The following METTL22 variants were observed in gnomAD, a reference collection of about 807,000 sequenced individuals.
METTL22 encodes the protein methyltransferase-like protein 22.
In METTL22, 51 loss-of-function variants were observed where a neutral mutation model predicts 48.4. The observed-to-expected ratio is 1.05, with a 90% CI of 0.84 to 1.33. METTL22 has a LOEUF of 1.33. Ranked by LOEUF, METTL22 falls within the 40% of genes most tolerant of loss-of-function variation. METTL22 has a pLI of 0.00. For synonymous variants in METTL22, 255 were observed against 214.1 expected (o/e 1.19, Z -1.67); for missense variants, 678 against 526.9 (o/e 1.29, Z -2.81).
chr16:8,632,561 G>T (rs1763132407), intron 3 of METTL22, among the ~76,000 whole-genome samples: 1 of 152,050 alleles, frequency 6.6e-6, no homozygotes, highest in African/African-American at 2.4e-5. Flanking sequence ...ACCCTGGGCT[G>T]GTCATGTCCC....
At chr16:8,664,352 G>C in the METTL22 span, among the ~76,000 whole-genome samples, 3 of 152,022 alleles carry the variant, frequency 2.0e-5, no homozygotes, top group Non-Finnish European at 4.4e-5. Flanking sequence ...CACCATGTTG[G>C]CCAGGCTGGT....
chr16:8,638,376 G>A (rs565656409), intron 5 of METTL22, among the ~76,000 whole-genome samples: 114 of 152,184 alleles, frequency 7.5e-4, no homozygotes, highest in African/African-American at 1.6e-3. Context: ...CTTTCTACAT[G>A]CACATTCTTC....
At chr16:8,638,078 T>C (rs1260713767) in intron 5 of METTL22, among the ~76,000 whole-genome samples, 2 of 151,538 alleles carry the variant, frequency 1.3e-5, no homozygotes, top group African/African-American at 2.4e-5. Context: ...ACCTGGGAAG[T>C]GGAGGTTGCA....
intron 9 of METTL22, 46 bp downstream of exon 9, chr16:8,642,611 C>A: frequency 1.3e-6 from 2 of 1,549,366 alleles, no homozygotes; most frequent in Non-Finnish European, 1.8e-6. Flanking sequence ...CGAGTGTCAG[C>A]GGAACTCTCA....
intron 9 of METTL22, among the ~76,000 whole-genome samples, chr16:8,644,224 C>G (rs890451074): frequency 6.6e-6 from 1 of 152,324 alleles, no homozygotes; most frequent in East Asian, 1.9e-4. Context: ...GCACCAGATT[C>G]TGTGCTGGGT....
chr16:8,630,533 T>C (rs891542981), intron 3 of METTL22, among the ~76,000 whole-genome samples: 1 of 152,078 alleles, frequency 6.6e-6, no homozygotes, highest in African/African-American at 2.4e-5. Context: ...GTCCTGCTTC[T>C]CAGGGGGGCC....
intron 10 of METTL22, chr16:8,645,904 C>G (rs72766497): frequency 0.038 from 36,586 of 967,684 alleles, 577 homozygotes; most frequent in Admixed American, 0.059. Context: ...CTTCATCCAT[C>G]CAGCCTCTCT....
the METTL22 span, among the ~76,000 whole-genome samples, chr16:8,656,945 G>A: frequency 3.9e-5 from 6 of 152,298 alleles, no homozygotes; most frequent in East Asian, 5.8e-4. Flanking sequence ...GGTCAAACTC[G>A]TCCTTTTATA....
chr16:8,647,008 C>T lies in METTL22; in HGVS notation c.*865C>T. The T allele has an allele frequency of 3.1e-6, 1 of 319,094 alleles. No individual in the cohort carries two copies. Among genetic ancestry groups the T allele is most frequent in the Non-Finnish European group, 6.2e-6 (1 of 161,914 alleles). 19.8% of individuals were successfully genotyped at this position (319,094 alleles called of 1,614,324 possible). A position where few individuals can be genotyped will look rare whatever the true frequency, so the allele number is the denominator to read the frequency against. Reference sequence around the variant, plus strand: ...TCCCATCTTCCTGCTACCCTTGGCCCTCCCTGCAGCCCCTTTCCCCTGCCT... The same window carrying T: ...TCCCATCTTCCTGCTACCCTTGGCCTTCCCTGCAGCCCCTTTCCCCTGCCT... On this transcript the variant is annotated 3_prime_UTR_variant, in exon 11 of 11. Transcript: ENST00000381920.
chr16:8,642,203 C>T lies in METTL22; in HGVS notation c.903C>T (p.Ala301=), dbSNP rs780587567. The change falls in exon 8 of 11, where the codon GCC becomes GCT. Residue 301 remains alanine, a synonymous_variant. Coordinates refer to ENST00000381920, the MANE Select transcript of METTL22 (RefSeq NM_024109.4). ...LYDHTTILFA[A]EVFYDDDLTD... is the part of the protein sequence containing the mutation. ...ATCACACCACCATCCTGTTTGCAGC[C>T]GAAGGTAAGAAAATTTCTCCTTCGC... The T allele has an allele frequency of 9.3e-6, 15 of 1,612,498 alleles. No homozygotes were observed. The highest frequency in any genetic ancestry group is 4.5e-5 in the East Asian group (2 of 44,882).
the METTL22 span, among the ~76,000 whole-genome samples, chr16:8,656,297 A>G: frequency 3.9e-5 from 6 of 152,178 alleles, no homozygotes; most frequent in African/African-American, 1.4e-4. Flanking sequence ...ATTGACATGT[A>G]TGTAGCAGGA....
chr16:8,665,000 G>C, the METTL22 span, among the ~76,000 whole-genome samples: 2 of 152,108 alleles, frequency 1.3e-5, no homozygotes, highest in East Asian at 3.9e-4. Flanking sequence ...GACTCACTAG[G>C]GATCCCACAG....
At chr16:8,623,748 T>A (rs1038238112) in intron 1 of METTL22, 4 of 152,228 alleles carry the variant, frequency 2.6e-5, no homozygotes, top group African/African-American at 4.8e-5. Context: ...AATTTTTTTG[T>A]TGGGACAGCT....
rs1384872821 is a variant in METTL22 at position 8,648,589 on chromosome 16, T to C, written c.*2446T>C. The C allele has an allele frequency of 6.6e-6, 1 of 151,784 alleles. No homozygotes were observed. The highest frequency in any genetic ancestry group is 1.5e-5 in the Non-Finnish European group (1 of 68,350). The allele number at this position is 151,784 out of a possible 1,614,324, so 9.4% of individuals were successfully genotyped here. On this transcript the variant is annotated 3_prime_UTR_variant, in exon 11 of 11. Coordinates refer to ENST00000381920, the MANE Select transcript of METTL22 (RefSeq NM_024109.4). ...TTGCAGTGAGCCAAGACCATGCCAT[T>C]GCACTCTAGCCTGGGCAACAAGAGC...
chr16:8,641,742 C>A, intron 7 of METTL22: 1 of 401,046 alleles, frequency 2.5e-6, no homozygotes, highest in Non-Finnish European at 4.7e-6. Context: ...TTCGGCCCTC[C>A]CAATAGTCCT....
chr16:8,633,505 C>T (rs1267575091), intron 3 of METTL22, among the ~76,000 whole-genome samples: 1 of 152,182 alleles, frequency 6.6e-6, no homozygotes, highest in Non-Finnish European at 1.5e-5. Context: ...ACTCGAGAGG[C>T]TTAGGTGGCA....
At chr16:8,628,610 A>T (rs2056143589) in intron 2 of METTL22, 120 bp from the exon 3 acceptor site, 1 of 1,340,356 alleles carries the variant, frequency 7.5e-7, no homozygotes, top group Non-Finnish European at 9.9e-7. Flanking sequence ...GCATTAGTAT[A>T]TCTCTACCTG....
At chr16:8,623,334 A>T (rs1161656210) in intron 1 of METTL22, among the ~76,000 whole-genome samples, 2 of 150,612 alleles carry the variant, frequency 1.3e-5, no homozygotes, top group African/African-American at 4.9e-5. Context: ...AAAATGCGCT[A>T]TGGCAAAAAA....
downstream of METTL22, among the ~76,000 whole-genome samples, chr16:8,651,292 CAGT>C (rs2141836112): frequency 7.1e-6 from 1 of 140,814 alleles, no homozygotes; most frequent in South Asian, 2.3e-4. Flanking sequence ...GAGGCTAAGG[CAGT>C]AGAATGGCGT....
Sources: gnomAD v4.1 joint callset for allele counts (sites outside exome capture counted in the v4.1 genomes callset) on GRCh38, gnomAD v4.1.1 for gene constraint, MANE v1.5 for transcripts, NCBI Gene and HGNC (gene_info 2026-07-23, HGNC 2026-07-21) for gene names.